CLUAP1: variants seen among roughly 807,000 people sequenced by gnomAD.
CLUAP1 encodes intraflagellar transport 38.
CLUAP1 carries 50 observed loss-of-function variants against 55.0 expected under a neutral mutation model. The ratio of observed to expected loss-of-function variants is 0.91; its 90% CI spans 0.72 to 1.15. The LOEUF is 1.15. Ranked by LOEUF, CLUAP1 falls within the 50% of genes most tolerant of loss-of-function variation. CLUAP1 has a pLI of 0.00. For missense variants in CLUAP1, 530 were observed against 507.6 expected (o/e 1.04, Z -0.42); for synonymous variants, 195 against 175.4 (o/e 1.11, Z -0.88).
At chr16:3,521,498 G>A (rs1478653951) in intron 7 of CLUAP1, among the ~76,000 whole-genome samples, 2 of 150,978 alleles carry the variant, frequency 1.3e-5, no homozygotes, top group South Asian at 2.1e-4. Context: ...GCAATGGCGC[G>A]ATCCCGGCTC....
intron 4 of CLUAP1, among the ~76,000 whole-genome samples, chr16:3,510,415 G>A (rs186237841): frequency 4.6e-5 from 7 of 152,158 alleles, no homozygotes; most frequent in Admixed American, 2.0e-4. Context: ...GATTATAGGC[G>A]TGAGCCACCG....
At chr16:3,508,534 G>C (rs1000438000) in intron 4 of CLUAP1, 66 bp downstream of exon 4, 13 of 1,398,320 alleles carry the variant, frequency 9.3e-6, no homozygotes, top group African/African-American at 1.5e-5. Context: ...GAAGTGGAAG[G>C]AGTCTGCTAC....
chr16:3,528,057 C>G (rs2037981862), intron 9 of CLUAP1, among the ~76,000 whole-genome samples: 1 of 152,196 alleles, frequency 6.6e-6, no homozygotes, highest in African/African-American at 2.4e-5. Context: ...TCTACAGTCT[C>G]TCATCTCTGC....
chr16:3,533,195 G>A, intron 11 of CLUAP1: 1 of 1,513,128 alleles, frequency 6.6e-7, no homozygotes, highest in Admixed American at 2.0e-5. Flanking sequence ...GTGGGTGTCT[G>A]TCAGCCCTCC....
chr16:3,515,194 T>TAA (rs56325117), intron 5 of CLUAP1, among the ~76,000 whole-genome samples: 2 of 141,420 alleles, frequency 1.4e-5, no homozygotes, highest in African/African-American at 5.2e-5. Flanking sequence ...TATCTCTATT[T>TAA]AAAAAAAAAA....
intron 11 of CLUAP1, chr16:3,533,339 A>C (rs1000301057): frequency 1.7e-6 from 1 of 588,490 alleles, no homozygotes; most frequent in African/African-American, 1.9e-5. Flanking sequence ...GCAGGCACGG[A>C]GCCTGGAGGC....
At chr16:3,495,730 T>C in the CLUAP1 span, among the ~76,000 whole-genome samples, 1 of 152,090 alleles carries the variant, frequency 6.6e-6, no homozygotes, top group Non-Finnish European at 1.5e-5. Context: ...AGGTGATCTC[T>C]TGGGGCCAGC....
intron 9 of CLUAP1, among the ~76,000 whole-genome samples, chr16:3,528,601 G>A (rs887897163): frequency 3.3e-5 from 5 of 152,114 alleles, no homozygotes; most frequent in African/African-American, 4.8e-5. Flanking sequence ...TAGGAGCCCT[G>A]GTTTGTTGCT....
upstream of CLUAP1, chr16:3,496,403 A>G: frequency 8.9e-7 from 1 of 1,120,976 alleles, no homozygotes; most frequent in Non-Finnish European, 1.3e-6. Context: ...TTCCCGGATG[A>G]TCCGGAAGAT....
At chr16:3,500,299 A>T (rs1445537904), upstream of CLUAP1, among the ~76,000 whole-genome samples, 1 of 151,978 alleles carries the variant, frequency 6.6e-6, no homozygotes, top group African/African-American at 2.4e-5. Context: ...TCCGCTCGGC[A>T]ACCAGATTCC....
intron 5 of CLUAP1, among the ~76,000 whole-genome samples, 185 bp downstream of exon 5, chr16:3,512,663 A>T (rs960304437): frequency 6.6e-6 from 1 of 151,810 alleles, no homozygotes; most frequent in Non-Finnish European, 1.5e-5. Flanking sequence ...GTCTAGCTTT[A>T]TTTATTTATT....
rs1446858209 is a variant in CLUAP1, at chr16:3,537,633, C to T, written c.*1362C>T. ...GCAATGAGCCGTGATCATGCCACTG[C>T]ACTCCAGCCTGGGTGACAGAGTGAG... is the stretch of plus-strand genomic sequence containing the variant. On this transcript the variant is annotated 3_prime_UTR_variant, in exon 12 of 12. Coordinates refer to ENST00000576634, the MANE Select transcript of CLUAP1 (RefSeq NM_015041.3). The T allele has an allele frequency of 1.3e-5, 2 of 152,198 alleles. No homozygotes were observed. Among genetic ancestry groups the T allele is most frequent in the Non-Finnish European group, 2.9e-5 (2 of 68,170 alleles). 9.4% of individuals were successfully genotyped at this position (152,198 alleles called of 1,614,324 possible).
chr16:3,504,423 C>T (rs62031815), intron 1 of CLUAP1, among the ~76,000 whole-genome samples: 3,965 of 152,236 alleles, frequency 0.026, 63 homozygotes, highest in Non-Finnish European at 0.041. Context: ...TTCCTTTTAG[C>T]AGTAAAAAGA....
chr16:3,537,423 A>G lies in CLUAP1; in HGVS notation c.*1152A>G, dbSNP rs1364276824. 1 of 151,906 alleles carries G rather than the reference A, an allele frequency of 6.6e-6. No homozygotes were observed. Among genetic ancestry groups the G allele is most frequent in the Non-Finnish European group, 1.5e-5 (1 of 68,006 alleles). The allele number at this position is 151,906 out of a possible 1,614,324, so 9.4% of individuals were successfully genotyped here. On this transcript the variant is annotated 3_prime_UTR_variant, in exon 12 of 12. Coordinates refer to ENST00000576634, the MANE Select transcript of CLUAP1 (RefSeq NM_015041.3). ...GTGGCAAGCGCCCTTGGGTCCAGCT[A>G]CTCAGGAGGCCAAGGTGGGAGGATC...
chr16:3,512,336 A>G, intron 4 of CLUAP1, 47 bp from the exon 5 acceptor site: 1 of 1,473,152 alleles, frequency 6.8e-7, no homozygotes, highest in South Asian at 1.1e-5. Context: ...GTCTCTATTA[A>G]AAAACATCTG....
At chr16:3,529,262 G>GGAACTTTGTAGATCTTTTTT (rs1567439040) in intron 9 of CLUAP1, among the ~76,000 whole-genome samples, 1 of 148,674 alleles carries the variant, frequency 6.7e-6, no homozygotes, top group East Asian at 2.0e-4. Flanking sequence ...TTTGCTTTTT[G>GGAACTTTGTAGATCTTTTTT]GAACTTTGTA....
At chr16:3,500,836 A>C (rs572805096), upstream of CLUAP1, 283 of 573,470 alleles carry the variant, frequency 4.9e-4, no homozygotes, top group Admixed American at 1.7e-3. Context: ...CAGCCCTCAT[A>C]GACGCCGGTA....
chr16:3,527,087 A>C (rs912748107), intron 9 of CLUAP1, among the ~76,000 whole-genome samples: 1 of 152,206 alleles, frequency 6.6e-6, no homozygotes, highest in East Asian at 1.9e-4. Flanking sequence ...CTCTGTGACC[A>C]GGCAGCTTCC....
In CLUAP1 at chr16:3,506,519, T is replaced by G. The variant is rs553101088; in HGVS notation, c.219+104T>G. The G allele has an allele frequency of 4.2e-6, 4 of 952,900 alleles. No homozygotes were observed. The Admixed American group carries it at 8.0e-5, about 19-fold the overall frequency. The allele number at this position is 952,900 out of a possible 1,614,324, so 59.0% of individuals were successfully genotyped here. ...ACTGTGTAATTGAGTTTTTCTTTCT[T>G]TTTTTTTGAGATGGAGTCTCATTCT... On this transcript the variant is annotated intron_variant, in intron 3 of 11. Coordinates refer to ENST00000576634, the MANE Select transcript of CLUAP1 (RefSeq NM_015041.3).
Sources: allele counts gnomAD v4.1 joint callset (sites outside exome capture counted in the v4.1 genomes callset), GRCh38; gene constraint gnomAD v4.1.1; transcripts MANE v1.5; gene names NCBI Gene and HGNC (gene_info 2026-07-23, HGNC 2026-07-21).